Variants in FRS2 observed in about 807,000 individuals in gnomAD.
FRS2 encodes the protein fibroblast growth factor receptor substrate 2.
A neutral mutation model predicts 43.9 loss-of-function variants in FRS2; 8 were observed. The observed-to-expected ratio is 0.18, with a 90% CI of 0.11 to 0.33. The LOEUF (loss-of-function observed/expected upper bound fraction) is 0.33, where lower values mean the gene tolerates loss of function less well. Ranked by LOEUF, FRS2 falls within the 10% of genes least tolerant of loss-of-function variation. The pLI, the probability that FRS2 is intolerant of heterozygous loss-of-function variation, is 1.00. For missense variants in FRS2, 534 were observed against 627.6 expected, an observed-to-expected ratio of 0.85 and a Z score of 1.59; for synonymous variants, 219 against 220.3, an observed-to-expected ratio of 0.99 and a Z score of 0.05.
chr12:69,531,758 A>G (rs1227570745), intron 2 of FRS2, among the ~76,000 whole-genome samples: 2 of 152,208 alleles, frequency 1.3e-5, no homozygotes, highest in Non-Finnish European at 2.9e-5. Context: ...AAAAATTGCC[A>G]CATATCATCA....
Position 69,574,489 on chromosome 12 carries a change from C to T in FRS2, c.1061C>T (p.Ser354Phe). ...TALLNYENLP[S>F]LPPVWEARKL... Reference sequence around the variant, plus strand: ...TTATTAAACTATGAAAATCTACCATCTTTGCCTCCTGTTTGGGAAGCCCGC... The same window carrying T: ...TTATTAAACTATGAAAATCTACCATTTTTGCCTCCTGTTTGGGAAGCCCGC... Residue 354 changes from serine to phenylalanine, a missense_variant, in exon 9 of 9, where the codon TCT becomes TTT. Physicochemically the swap from Ser to Phe is radical, Grantham distance 155 (BLOSUM62 -2). Transcript: ENST00000549921. The T allele has an allele frequency of 1.2e-6, 2 of 1,614,058 alleles. No homozygotes were observed. Among genetic ancestry groups the T allele is most frequent in the Non-Finnish European group, 1.7e-6 (2 of 1,179,942 alleles).
Position 69,574,159 on chromosome 12 carries a change from T to A in FRS2, c.731T>A (p.Leu244His), listed in dbSNP as rs765372303. The A allele has an allele frequency of 6.2e-7, 1 of 1,614,188 alleles. No individual in the cohort carries two copies. The highest frequency in any genetic ancestry group is 1.1e-5 in the South Asian group (1 of 91,088). Residue 244 changes from leucine (L) to histidine (H), a missense_variant, in exon 9 of 9, where the codon CTT (leucine) becomes CAT (histidine). Leu to His is a moderately conservative substitution (Grantham distance 99). Coordinates refer to ENST00000549921, the MANE Select transcript of FRS2 (RefSeq NM_001278356.2). ...GAGGACAGGGATCCTCAGATTCTTCTTGAACCTGAAGGAGTCAAATTTGTT... is the reference window on the plus strand; with the variant it reads ...GAGGACAGGGATCCTCAGATTCTTCATGAACCTGAAGGAGTCAAATTTGTT... ...SIEDRDPQIL[L>H]EPEGVKFVLG...
intron 1 of FRS2, among the ~76,000 whole-genome samples, chr12:69,516,779 CT>C (rs1338252524): frequency 6.6e-6 from 1 of 152,090 alleles, no homozygotes. Context: ...CCAGTACTAG[CT>C]GTATAAAATG....
chr12:69,574,398 CGTCTGACATCCACCA>C lies in FRS2; in HGVS notation c.973_987del (p.Leu325_Ser329del), dbSNP rs757178692. 3 of 1,613,800 alleles carry C rather than the reference CGTCTGACATCCACCA, an allele frequency of 1.9e-6. No individual in the cohort carries two copies. Among genetic ancestry groups the C allele is most frequent in the Non-Finnish European group, 2.5e-6 (3 of 1,179,748 alleles). On this transcript the variant is annotated inframe_deletion, in exon 9 of 9. Transcript: ENST00000549921. ...TAGTGCCTCAGGGGTCAGGAGAGGT[CGTCTGACATCCACCA>C]GTACCTCAGATACCCAGAATATCAA...
intron 1 of FRS2, among the ~76,000 whole-genome samples, chr12:69,512,406 C>A (rs1414068020): frequency 6.6e-6 from 1 of 152,188 alleles, no homozygotes; most frequent in Non-Finnish European, 1.5e-5. Context: ...GTGCAAGCCT[C>A]ATTTAAGAAA....
intron 4 of FRS2, among the ~76,000 whole-genome samples, chr12:69,565,764 C>T (rs1266119888): frequency 1.3e-5 from 2 of 152,244 alleles, no homozygotes; most frequent in East Asian, 3.9e-4. Flanking sequence ...TCTAGGAAAA[C>T]TGCACCTTCT....
intron 1 of FRS2, among the ~76,000 whole-genome samples, chr12:69,514,407 G>A (rs1004690216): frequency 3.9e-5 from 6 of 152,190 alleles, no homozygotes; most frequent in Non-Finnish European, 8.8e-5. Context: ...CCATTAGTGT[G>A]AGAATGAGCT....
rs150187082 is a variant in FRS2 at position 69,522,743 on chromosome 12, T to G, written c.-260-8122T>G. Among the ~76,000 whole-genome samples the G allele has an allele frequency of 3.7e-3, 561 of 152,324 alleles. 1 individual carries two copies. The highest frequency in any genetic ancestry group is 0.013 in the African/African-American group (537 of 41,578). ...TATGTGAGCATTTAGTGCTATAAATTTCCCTCTTCACGCTGCCTTAGCTGT... is the reference window on the plus strand; with the variant it reads ...TATGTGAGCATTTAGTGCTATAAATGTCCCTCTTCACGCTGCCTTAGCTGT... On this transcript the variant is annotated intron_variant, in intron 1 of 8. Coordinates refer to ENST00000549921, the MANE Select transcript of FRS2 (RefSeq NM_001278356.2).
chr12:69,574,686 T>A lies in FRS2; in HGVS notation c.1258T>A (p.Phe420Ile). The A allele has an allele frequency of 6.2e-7, 1 of 1,614,160 alleles. No homozygotes were observed. Among genetic ancestry groups the A allele is most frequent in the Non-Finnish European group, 8.5e-7 (1 of 1,179,990 alleles). Residue 420 changes from phenylalanine to isoleucine, a missense_variant, in exon 9 of 9, where the codon TTT becomes ATT. Physicochemically the swap from Phe to Ile is conservative, Grantham distance 21. This residue lies in a region of FRS2 where 446 missense variants were observed against 494.2 expected (regional missense o/e 0.90). Transcript: ENST00000549921. ...SRRRDCTPTV[F>I]NFDIRRPSLE... Reference sequence around the variant, plus strand: ...GCGTCGGGACTGTACACCAACAGTCTTTAACTTTGATATCAGACGCCCAAG... The same window carrying A: ...GCGTCGGGACTGTACACCAACAGTCATTAACTTTGATATCAGACGCCCAAG...
chr12:69,556,779 G>A (rs568323449), intron 3 of FRS2, among the ~76,000 whole-genome samples: 1 of 152,334 alleles, frequency 6.6e-6, no homozygotes, highest in South Asian at 2.1e-4. Context: ...TATTTAACAT[G>A]AATCTTGAAA....
At chr12:69,502,884 C>T (rs1362611639) in intron 1 of FRS2, among the ~76,000 whole-genome samples, 1 of 152,180 alleles carries the variant, frequency 6.6e-6, no homozygotes, top group Non-Finnish European at 1.5e-5. Context: ...GCAGCAGCAT[C>T]AGCATCAGCA....
At chr12:69,543,543 G>A (rs1878102951) in intron 3 of FRS2, among the ~76,000 whole-genome samples, 1 of 152,198 alleles carries the variant, frequency 6.6e-6, no homozygotes. Context: ...ATGCCACTTG[G>A]TGGTAAGTCA....
intron 1 of FRS2, among the ~76,000 whole-genome samples, chr12:69,503,422 A>G (rs567100807): frequency 1.3e-5 from 2 of 152,274 alleles, no homozygotes; most frequent in East Asian, 1.9e-4. Context: ...AAATCCCATC[A>G]TATTCATAGT....
intron 3 of FRS2, among the ~76,000 whole-genome samples, chr12:69,553,834 C>A (rs1444670303): frequency 6.6e-6 from 1 of 152,122 alleles, no homozygotes; most frequent in Non-Finnish European, 1.5e-5. Flanking sequence ...TCTAGGAGTT[C>A]TCAGTGGGCA....
At chr12:69,504,283 T>C (rs920260189) in intron 1 of FRS2, among the ~76,000 whole-genome samples, 3 of 152,174 alleles carry the variant, frequency 2.0e-5, no homozygotes, top group African/African-American at 7.2e-5. Context: ...GTGAATTGCT[T>C]GAACCCAGGA....
At position 69,544,080 on chromosome 12, in the gene FRS2, G is replaced by A. The variant is rs1259381211; in HGVS notation, c.-122+12024G>A. Among the ~76,000 whole-genome samples, 2 of 149,702 alleles carry A rather than the reference G, an allele frequency of 1.3e-5. 1 individual carries two copies. Among genetic ancestry groups the A allele is most frequent in the East Asian group, 3.9e-4 (2 of 5,140 alleles). On this transcript the variant is annotated intron_variant, in intron 3 of 8. Transcript: ENST00000549921. ...TTATCTCTGTCTCATTTTGTGGGCA[G>A]GGTCGGGGGGGTGGGGAGGCTTTCT... is the stretch of plus-strand genomic sequence containing the variant.
At chr12:69,555,641 C>A (rs1295493036) in intron 3 of FRS2, among the ~76,000 whole-genome samples, 1 of 152,148 alleles carries the variant, frequency 6.6e-6, no homozygotes, top group Non-Finnish European at 1.5e-5. Flanking sequence ...ATACAAAGGG[C>A]TGACTTTTCA....
At chr12:69,542,697 G>A (rs1312603510) in intron 3 of FRS2, among the ~76,000 whole-genome samples, 3 of 152,178 alleles carry the variant, frequency 2.0e-5, no homozygotes, top group Non-Finnish European at 4.4e-5. Flanking sequence ...AGATGTTGGT[G>A]TTGGAATTGC....
intron 1 of FRS2, among the ~76,000 whole-genome samples, chr12:69,473,045 A>G (rs1387050051): frequency 6.6e-6 from 1 of 152,270 alleles, no homozygotes; most frequent in Non-Finnish European, 1.5e-5. Context: ...AAATTATACA[A>G]AAGAAGAAAG....
Sources: allele counts gnomAD v4.1 joint callset (sites outside exome capture counted in the v4.1 genomes callset), GRCh38; gene constraint gnomAD v4.1.1; regional missense constraint gnomAD v4.1.1; transcripts MANE v1.5; gene names NCBI Gene and HGNC (gene_info 2026-07-23, HGNC 2026-07-21).